MAP1B: variants seen among roughly 807,000 people sequenced by gnomAD.
MAP1B encodes microtubule-associated protein 1B.
Under a neutral mutation model 176.1 loss-of-function variants are expected in MAP1B, and 12 were observed. That is an observed-to-expected ratio of 0.07 (90% CI 0.04 to 0.11). The LOEUF is 0.11. MAP1B is among the 10% of genes least tolerant of loss of function. The probability of loss-of-function intolerance (pLI) is 1.00; values close to 1 mark genes in which losing one functional copy is unlikely to be tolerated. For synonymous variants in MAP1B, 1,044 were observed against 1,135.0 expected, an observed-to-expected ratio of 0.92 and a Z score of 1.61; for missense variants, 2,523 against 2,990.5, an observed-to-expected ratio of 0.84 and a Z score of 3.65.
chr5:72,149,600 C>A (rs920653012), intron 2 of MAP1B, among the ~76,000 whole-genome samples: 1 of 152,228 alleles, frequency 6.6e-6, no homozygotes, highest in Non-Finnish European at 1.5e-5. Context: ...TGTTGAGCGT[C>A]TCCAGGACAC....
At position 72,194,036 on chromosome 5, in the gene MAP1B, T is replaced by G; in HGVS notation, c.681T>G (p.Ser227=). The G allele has an allele frequency of 6.2e-7, 1 of 1,614,234 alleles. No homozygotes were observed. Among genetic ancestry groups the G allele is most frequent in the South Asian group, 1.1e-5 (1 of 91,084 alleles). ...ASILPEMEGL[S]EFTEYLSESV... ...TCTTGCCAGAAATGGAAGGACTTTC[T>G]GAGTTTACCGAGTATCTCTCAGAAT... Residue 227 remains serine (S), a synonymous_variant, in exon 5 of 7, where the codon TCT becomes TCG. Coordinates refer to ENST00000296755, the MANE Select transcript of MAP1B (RefSeq NM_005909.5). The surrounding 1 kb of genome is among the most constrained non-coding windows in gnomAD (Gnocchi z 7.2).
chr5:72,122,840 C>T (rs577168980), intron 2 of MAP1B, among the ~76,000 whole-genome samples: 2 of 152,236 alleles, frequency 1.3e-5, no homozygotes, highest in South Asian at 4.2e-4. Context: ...CAACTAAGTG[C>T]GTTCCACGAC....
chr5:72,175,130 T>A (rs1212887099), intron 2 of MAP1B, among the ~76,000 whole-genome samples: 2 of 148,078 alleles, frequency 1.4e-5, no homozygotes, highest in Non-Finnish European at 3.0e-5. Flanking sequence ...AGTGGTGTGA[T>A]CTCGGCTCAC....
At position 72,189,508 on chromosome 5, in the gene MAP1B, G is replaced by C. The variant is rs151018530; in HGVS notation, c.510+2754G>C. On this transcript the variant is annotated intron_variant, in intron 4 of 6. Transcript: ENST00000296755. ...ACAGTTCTTCATAACCCTGCTCACTGTCCTTCAAACTTGTTCCTCTGTCAA... is the reference window on the plus strand; with the variant it reads ...ACAGTTCTTCATAACCCTGCTCACTCTCCTTCAAACTTGTTCCTCTGTCAA... 4.3e-3 allele frequency among the ~76,000 whole-genome samples: 653 copies of C among 152,140 alleles called. 5 individuals are homozygous for C. Among genetic ancestry groups the C allele is most frequent in the Middle Eastern group, 0.014 (4 of 294 alleles).
chr5:72,135,739 C>T (rs983646590), intron 2 of MAP1B, among the ~76,000 whole-genome samples: 4 of 151,598 alleles, frequency 2.6e-5, no homozygotes, highest in African/African-American at 7.3e-5. Flanking sequence ...CAGATCAGAC[C>T]CTCTTGTGAG....
At chr5:72,167,394 A>G (rs536579054) in intron 2 of MAP1B, among the ~76,000 whole-genome samples, 71 of 152,300 alleles carry the variant, frequency 4.7e-4, no homozygotes, top group Non-Finnish European at 9.1e-4. Context: ...TATTAATAAG[A>G]CAGTATGAGC....
chr5:72,185,503 A>G (rs1276010436), intron 3 of MAP1B, among the ~76,000 whole-genome samples: 2 of 151,710 alleles, frequency 1.3e-5, no homozygotes, highest in Non-Finnish European at 2.9e-5. Context: ...GCTGAGATGG[A>G]GGATTGTTTG....
chr5:72,175,886 T>C (rs12186804), intron 2 of MAP1B, among the ~76,000 whole-genome samples: 25,811 of 152,208 alleles, frequency 0.17, 2,468 homozygotes, highest in South Asian at 0.28. Context: ...TAAAAAAATG[T>C]TGTCTAACTC....
In MAP1B at chr5:72,195,968, G is replaced by T; in HGVS notation, c.2613G>T (p.Glu871Asp). ...ACGAAGAGAAACTGAAGGAAACTGA[G>T]CCAGTCGAAGCCTACGTCATCCAGA... is the stretch of plus-strand genomic sequence containing the variant. ...IEDEEKLKET[E>D]PVEAYVIQKE... Residue 871 changes from glutamate (E) to aspartate (D), a missense_variant, in exon 5 of 7, where the codon GAG (glutamate) becomes GAT (aspartate). This residue lies in a region of MAP1B where 1,925 missense variants were observed against 2,126.0 expected (regional missense o/e 0.91). Coordinates refer to ENST00000296755, the MANE Select transcript of MAP1B (RefSeq NM_005909.5). The T allele has an allele frequency of 6.2e-7, 1 of 1,614,224 alleles. No homozygotes were observed. Among genetic ancestry groups the T allele is most frequent in the Non-Finnish European group, 8.5e-7 (1 of 1,180,048 alleles).
At chr5:72,133,606 G>A (rs1745777590) in intron 2 of MAP1B, among the ~76,000 whole-genome samples, 1 of 152,202 alleles carries the variant, frequency 6.6e-6, no homozygotes, top group Non-Finnish European at 1.5e-5. Context: ...CTACTTTACA[G>A]AGGATTTATG....
intron 2 of MAP1B, among the ~76,000 whole-genome samples, chr5:72,163,196 C>T (rs1746358536): frequency 7.1e-6 from 1 of 140,642 alleles, no homozygotes; most frequent in Admixed American, 7.6e-5. Flanking sequence ...CCACTGAACT[C>T]CAGCCTGGGT....
At position 72,203,759 on chromosome 5, in the gene MAP1B, C is replaced by T. The variant is rs770807402; in HGVS notation, c.7209C>T (p.Asp2403=). Residue 2403 remains aspartate (D), a synonymous_variant, in exon 6 of 7, where the codon GAC becomes GAT. Coordinates refer to ENST00000296755, the MANE Select transcript of MAP1B (RefSeq NM_005909.5). ...AGGAGCCCAGCCGGGCTGTCCTGGA[C>T]GCTTTGTTGGAAGGAAAGGCTCAGT... is the stretch of plus-strand genomic sequence containing the variant. The part of the protein sequence containing the change: ...AAEEPSRAVL[D]ALLEGKAQWG... 109 of 1,613,010 alleles carry T rather than the reference C, an allele frequency of 6.8e-5. No homozygotes were observed. The highest frequency in any genetic ancestry group is 1.5e-4 in the Admixed American group (9 of 60,002).
intron 2 of MAP1B, among the ~76,000 whole-genome samples, chr5:72,173,201 T>C (rs1204248485): frequency 1.3e-5 from 2 of 152,230 alleles, no homozygotes; most frequent in African/African-American, 2.4e-5. Context: ...CCATTTTTCT[T>C]ATTCAGCCCT....
At chr5:72,184,901 A>C (rs549509539) in intron 3 of MAP1B, among the ~76,000 whole-genome samples, 1 of 152,210 alleles carries the variant, frequency 6.6e-6, no homozygotes, top group Non-Finnish European at 1.5e-5. Flanking sequence ...AAGTTTTGCA[A>C]CCATCACCCT....
chr5:72,202,539 T>C (rs1159112163), intron 5 of MAP1B, among the ~76,000 whole-genome samples: 1 of 152,184 alleles, frequency 6.6e-6, no homozygotes, highest in Admixed American at 6.5e-5. Context: ...GGATTAAGCA[T>C]GTAAAATCTA....
At chr5:72,161,682 C>T (rs764967158) in intron 2 of MAP1B, among the ~76,000 whole-genome samples, 22 of 152,126 alleles carry the variant, frequency 1.4e-4, no homozygotes, top group African/African-American at 4.6e-4. Flanking sequence ...GCTGGCTCAG[C>T]GCAGTGGCTC....
intron 5 of MAP1B, among the ~76,000 whole-genome samples, chr5:72,202,325 T>C (rs1311454435): frequency 6.6e-6 from 1 of 152,248 alleles, no homozygotes; most frequent in Non-Finnish European, 1.5e-5. Context: ...TTAGGAATTC[T>C]TTGGATATTT....
Position 72,208,704 on chromosome 5 carries a change from A to G in MAP1B, c.*3465A>G, listed in dbSNP as rs1450412351. Reference sequence around the variant, plus strand: ...AGCTTATGCAGTCTAGGAGCTTTCCAATACTCATTTAATTAAGATTTAATC... The same window carrying G: ...AGCTTATGCAGTCTAGGAGCTTTCCGATACTCATTTAATTAAGATTTAATC... On this transcript the variant is annotated 3_prime_UTR_variant, in exon 7 of 7. Transcript: ENST00000296755. 2 of 152,176 alleles carry G rather than the reference A, an allele frequency of 1.3e-5. No individual in the cohort carries two copies. The highest frequency in any genetic ancestry group is 2.9e-5 in the Non-Finnish European group (2 of 68,036). 9.4% of individuals were successfully genotyped at this position (152,176 alleles called of 1,614,324 possible).
In MAP1B at chr5:72,196,925, A is replaced by G; in HGVS notation, c.3570A>G (p.Ser1190=). ...CGCTCAACGGATTTTCTGAAGGATCAAAAACAGATGCCACTGATGGCAAGG... is the reference window on the plus strand; with the variant it reads ...CGCTCAACGGATTTTCTGAAGGATCGAAAACAGATGCCACTGATGGCAAGG... ...VTPLNGFSEG[S]KTDATDGKDY... The change falls in exon 5 of 7, where the codon TCA becomes TCG. Residue 1190 remains serine (S), a synonymous_variant. Coordinates refer to ENST00000296755, the MANE Select transcript of MAP1B (RefSeq NM_005909.5). This position sits in a 1 kb window ranked among gnomAD's most constrained non-coding sequence, Gnocchi z 5.3. 1.2e-6 allele frequency: 2 copies of G among 1,614,144 alleles called. No individual in the cohort carries two copies. Among genetic ancestry groups the G allele is most frequent in the Non-Finnish European group, 1.7e-6 (2 of 1,179,992 alleles).
Sources: allele counts gnomAD v4.1 joint callset (sites outside exome capture counted in the v4.1 genomes callset), GRCh38; gene constraint gnomAD v4.1.1; regional missense constraint gnomAD v4.1.1; non-coding constraint Gnocchi (gnomAD v3.1); transcripts MANE v1.5; gene names NCBI Gene and HGNC (gene_info 2026-07-23, HGNC 2026-07-21).